Variants in PCSK6 observed in about 807,000 individuals in gnomAD.
PCSK6 encodes proprotein convertase subtilisin/kexin type 6, also known as paired basic amino acid cleaving enzyme 4.
A neutral mutation model predicts 123.3 loss-of-function variants in PCSK6; 85 were observed. The observed-to-expected ratio is 0.69, with a 90% CI of 0.58 to 0.83. The LOEUF is 0.83. Ranked by LOEUF, PCSK6 falls within the 40% of genes least tolerant of loss-of-function variation. The pLI is 0.00. For synonymous variants in PCSK6, 508 were observed against 516.0 expected (o/e 0.98, Z 0.21); for missense variants, 1,191 against 1,282.3 (o/e 0.93, Z 1.09).
Position 101,398,544 on chromosome 15 carries a change from C to CA in PCSK6, c.855dup (p.Val286CysfsTer38). The CA allele has an allele frequency of 1.2e-6, 2 of 1,613,496 alleles. No homozygotes were observed. Among genetic ancestry groups the CA allele is most frequent in the Non-Finnish European group, 1.7e-6 (2 of 1,179,616 alleles). On this transcript the variant is annotated frameshift_variant, in exon 7 of 22. Transcript: ENST00000611716. LOFTEE classifies it high-confidence loss of function. The surrounding 1 kb of genome is among the most constrained non-coding windows in gnomAD (Gnocchi z 4.6). ...ATGCCCAGCGACTTTGCCTCGACCA[C>CA]ATCTGTGACATCGCCGTCCAGCATG... is the stretch of plus-strand genomic sequence containing the variant.
At chr15:101,325,645 T>G (rs1248744050) in intron 16 of PCSK6, among the ~76,000 whole-genome samples, 1 of 152,132 alleles carries the variant, frequency 6.6e-6, no homozygotes, top group African/African-American at 2.4e-5. Flanking sequence ...TAATGGGTGC[T>G]CAGGGAAGTT....
chr15:101,403,869 G>A lies in PCSK6; in HGVS notation c.824-5293C>T, dbSNP rs530059986. ...CAAGTAGCTGGGATTACAGGCGCCC[G>A]CCACCACACACGGCTAATTTTTGTG... On this transcript the variant is annotated intron_variant, in intron 6 of 21. Transcript: ENST00000611716. Among the ~76,000 whole-genome samples the A allele has an allele frequency of 4.8e-3, 729 of 152,236 alleles. 1 individual carries two copies. The highest frequency in any genetic ancestry group is 8.6e-3 in the Non-Finnish European group (586 of 68,010).
At chr15:101,476,961 A>G (rs2057746944) in intron 1 of PCSK6, among the ~76,000 whole-genome samples, 1 of 152,184 alleles carries the variant, frequency 6.6e-6, no homozygotes, top group Admixed American at 6.5e-5. Context: ...GACCCAGGGC[A>G]TGTGGGGCGG....
intron 18 of PCSK6, among the ~76,000 whole-genome samples, chr15:101,321,785 C>T (rs532505675): frequency 2.0e-5 from 3 of 152,318 alleles, no homozygotes; most frequent in African/African-American, 7.2e-5. Context: ...CCTGCTGCAT[C>T]AGAACCTGCA....
At chr15:101,313,607 A>G in intron 19 of PCSK6, 102 bp from the exon 20 acceptor site, 1 of 1,483,046 alleles carries the variant, frequency 6.7e-7, no homozygotes, top group South Asian at 1.3e-5. Context: ...ACCATTCAGG[A>G]GCCCCCAGGC....
At chr15:101,313,268 T>C (rs2039910155) in intron 20 of PCSK6, 108 bp downstream of exon 20, 2 of 1,585,870 alleles carry the variant, frequency 1.3e-6, no homozygotes, top group Non-Finnish European at 8.6e-7. Context: ...AGTGGGGTGA[T>C]GCAACATGCC....
At chr15:101,306,266 C>A (rs10431864) in intron 21 of PCSK6, among the ~76,000 whole-genome samples, 1 of 152,086 alleles carries the variant, frequency 6.6e-6, no homozygotes, top group African/African-American at 2.4e-5. Flanking sequence ...CTTTTTTGGG[C>A]TAGATACATA....
chr15:101,433,053 C>T (rs2056496239), intron 2 of PCSK6, among the ~76,000 whole-genome samples: 1 of 152,134 alleles, frequency 6.6e-6, no homozygotes, highest in African/African-American at 2.4e-5. Context: ...TTTTCACGAT[C>T]AAGGAAAAAA....
At chr15:101,351,493 T>A (rs1160689264) in intron 13 of PCSK6, among the ~76,000 whole-genome samples, 2 of 152,266 alleles carry the variant, frequency 1.3e-5, no homozygotes, top group African/African-American at 2.4e-5. Flanking sequence ...AGACAACTGT[T>A]CATGCATGGC....
rs563246448 is a variant in PCSK6 at position 101,337,226 on chromosome 15, G to C, written c.1859-5195C>G. The C allele has an allele frequency of 3.3e-5, 5 of 152,248 alleles. No individual in the cohort carries two copies. In the East Asian group the frequency reaches 9.6e-4, roughly 29 times the overall value. The allele number at this position is 152,248 out of a possible 1,614,324, so 9.4% of individuals were successfully genotyped here. ...CAGAATGTTTGCCAGGATGGTCTTG[G>C]TCTCTTGACCTTGTGATCCGCGTGC... On this transcript the variant is annotated intron_variant, in intron 13 of 21. Coordinates refer to ENST00000611716, the MANE Select transcript of PCSK6 (RefSeq NM_002570.5).
intron 2 of PCSK6, among the ~76,000 whole-genome samples, chr15:101,435,522 T>C (rs547211562): frequency 6.6e-6 from 1 of 152,356 alleles, no homozygotes; most frequent in African/African-American, 2.4e-5. Context: ...ACGTCATACT[T>C]TGAAGATAGA....
rs147665743 is a variant in PCSK6, at chr15:101,437,665, C to T, written c.403-5565G>A. On this transcript the variant is annotated intron_variant, in intron 2 of 21. Transcript: ENST00000611716. ...AGGGAAGTCCTCGCTCTGCCGATGA[C>T]GGAAATGGGACAGTGCGTGTGAAAG... 3.8e-3 allele frequency among the ~76,000 whole-genome samples: 580 copies of T among 152,248 alleles called. 2 individuals carry two copies. Among genetic ancestry groups the T allele is most frequent in the Non-Finnish European group, 6.0e-3 (409 of 68,028 alleles).
At chr15:101,422,779 G>A (rs1273083599) in intron 6 of PCSK6, among the ~76,000 whole-genome samples, 2 of 152,216 alleles carry the variant, frequency 1.3e-5, no homozygotes, top group Non-Finnish European at 1.5e-5. Context: ...CCGCCACCGC[G>A]CCCGGCTAAT....
intron 6 of PCSK6, among the ~76,000 whole-genome samples, chr15:101,401,715 G>A (rs113360261): frequency 1.3e-5 from 2 of 152,178 alleles, no homozygotes; most frequent in African/African-American, 4.8e-5. Context: ...CGGATGATCC[G>A]TGTAAAGGGT....
At chr15:101,478,303 T>C (rs1172449663) in intron 1 of PCSK6, among the ~76,000 whole-genome samples, 2 of 152,066 alleles carry the variant, frequency 1.3e-5, no homozygotes, top group African/African-American at 4.8e-5. Flanking sequence ...AAGACTGACA[T>C]AGGAGTGGCT....
At chr15:101,342,285 G>A (rs565565299) in intron 13 of PCSK6, among the ~76,000 whole-genome samples, 1 of 152,218 alleles carries the variant, frequency 6.6e-6, no homozygotes, top group South Asian at 2.1e-4. Context: ...ACTGTTATTA[G>A]ATCCTTTTAT....
intron 1 of PCSK6, among the ~76,000 whole-genome samples, chr15:101,447,058 C>T (rs545779630): frequency 7.9e-5 from 12 of 152,304 alleles, no homozygotes; most frequent in South Asian, 2.1e-4. Flanking sequence ...TTGAAAGTCT[C>T]GTCGGCCCGG....
chr15:101,414,441 T>C (rs1051583567), intron 6 of PCSK6, among the ~76,000 whole-genome samples: 1 of 152,204 alleles, frequency 6.6e-6, no homozygotes, highest in Non-Finnish European at 1.5e-5. Context: ...TGATGCATGA[T>C]GTAAACTTGT....
At chr15:101,353,579 C>T (rs926634847) in intron 13 of PCSK6, among the ~76,000 whole-genome samples, 7 of 152,202 alleles carry the variant, frequency 4.6e-5, no homozygotes, top group Non-Finnish European at 1.0e-4. Context: ...AACACCCCGA[C>T]CCTGGCTGGC....
Sources: allele counts gnomAD v4.1 joint callset (sites outside exome capture counted in the v4.1 genomes callset), GRCh38; gene constraint gnomAD v4.1.1; non-coding constraint Gnocchi (gnomAD v3.1); transcripts MANE v1.5; gene names NCBI Gene and HGNC (gene_info 2026-07-23, HGNC 2026-07-21).